GRM3: variants seen among roughly 807,000 people sequenced by gnomAD.
GRM3 encodes glutamate metabotropic receptor 3, also known as metabotropic glutamate receptor 3.
In GRM3, 26 loss-of-function variants were observed where a neutral mutation model predicts 70.5. The observed-to-expected ratio is 0.37, with a 90% CI of 0.27 to 0.51. The LOEUF (loss-of-function observed/expected upper bound fraction) is 0.51, where lower values mean the gene tolerates loss of function less well. Among genes scored for constraint, GRM3 ranks in the 20% least tolerant of loss-of-function variants. The pLI is 0.93. For synonymous variants in GRM3, 443 were observed against 434.9 expected, an observed-to-expected ratio of 1.02 and a Z score of -0.23; for missense variants, 859 against 1,123.8, an observed-to-expected ratio of 0.76 and a Z score of 3.37.
intron 5 of GRM3, among the ~76,000 whole-genome samples, chr7:86,852,081 A>T: frequency 6.6e-6 from 1 of 152,136 alleles, no homozygotes; most frequent in Non-Finnish European, 1.5e-5. Flanking sequence ...ACACACTTTA[A>T]AAATGGCAGA....
intron 1 of GRM3, among the ~76,000 whole-genome samples, chr7:86,702,309 C>G (rs1429369944): frequency 6.6e-6 from 1 of 151,960 alleles, no homozygotes; most frequent in East Asian, 1.9e-4. Context: ...GTTGATCAGC[C>G]TGGCTGGTTA....
chr7:86,825,372 G>A (rs745462555), intron 3 of GRM3, among the ~76,000 whole-genome samples: 9 of 152,196 alleles, frequency 5.9e-5, no homozygotes, highest in African/African-American at 9.6e-5. Flanking sequence ...TCTTAACGAC[G>A]TGTGGATATG....
chr7:86,644,573 CCGTTTT>C lies in GRM3; in HGVS notation c.-438_-433del. ...CCTCCCTCTCTTCTACTCCACCCCT[CCGTTTT>C]CCCACTCCCCACTGACTCGGATGCC... On this transcript the variant is annotated 5_prime_UTR_variant, in exon 1 of 6. Transcript: ENST00000361669. The C allele has an allele frequency of 2.5e-6, 1 of 404,682 alleles. No homozygotes were observed. Among genetic ancestry groups the C allele is most frequent in the South Asian group, 1.8e-5 (1 of 54,530 alleles). The allele number at this position is 404,682 out of a possible 1,614,324, so 25.1% of individuals were successfully genotyped here. A position where few individuals can be genotyped will look rare whatever the true frequency, so the allele number is the denominator to read the frequency against.
intron 2 of GRM3, among the ~76,000 whole-genome samples, chr7:86,785,221 A>G (rs1036149892): frequency 6.6e-6 from 1 of 152,232 alleles, no homozygotes; most frequent in Non-Finnish European, 1.5e-5. Context: ...CAGTATAGAG[A>G]AAGAACTCTC....
intron 2 of GRM3, among the ~76,000 whole-genome samples, chr7:86,770,889 T>G (rs1394578427): frequency 1.3e-5 from 2 of 152,102 alleles, no homozygotes; most frequent in Non-Finnish European, 2.9e-5. Flanking sequence ...ATTGCTGTTT[T>G]GGGCTGGATA....
rs117045324 is a variant in GRM3 at position 86,766,644 on chromosome 7, T to C, written c.468+1031T>C. ...TAGAACTCAGATAGATCTTTTGTAC[T>C]TCTGTGTTCTTTTAACTACCCCATG... On this transcript the variant is annotated intron_variant, in intron 2 of 5. Transcript: ENST00000361669. 5.4e-3 allele frequency among the ~76,000 whole-genome samples: 825 copies of C among 152,282 alleles called. 7 individuals are homozygous for C. The highest frequency in any genetic ancestry group is 7.9e-3 in the South Asian group (38 of 4,828).
intron 3 of GRM3, among the ~76,000 whole-genome samples, chr7:86,787,794 G>A (rs1171754754): frequency 1.3e-5 from 2 of 152,218 alleles, no homozygotes; most frequent in African/African-American, 4.8e-5. Context: ...TTCTGATACA[G>A]TAGTGAACAT....
chr7:86,667,019 T>C (rs802427), intron 1 of GRM3, among the ~76,000 whole-genome samples: 106,426 of 152,018 alleles, frequency 0.7, 37,787 homozygotes, highest in East Asian at 0.87. Context: ...TATTTCTTTC[T>C]GGAAGTTTGA....
At position 86,853,351 on chromosome 7, in the gene GRM3, T is replaced by C. The variant is rs190377778; in HGVS notation, c.2566+2807T>C. On this transcript the variant is annotated intron_variant, in intron 5 of 5. Transcript: ENST00000361669. ...GCCAGTGGTCTATGGAATTGAGTTC[T>C]GTGTATGAACATGTTACTGACCCAC... Among the ~76,000 whole-genome samples the C allele has an allele frequency of 1.6e-4, 25 of 152,318 alleles. 1 individual carries two copies. The highest frequency in any genetic ancestry group is 1.3e-3 in the Admixed American group (20 of 15,296).
intron 5 of GRM3, among the ~76,000 whole-genome samples, chr7:86,856,144 G>T (rs1203578305): frequency 3.9e-5 from 6 of 152,018 alleles, no homozygotes; most frequent in Admixed American, 3.9e-4. Context: ...TTTCCCTTTA[G>T]AAAGTTCACA....
chr7:86,784,956 T>C lies in GRM3; in HGVS notation c.469-1305T>C, dbSNP rs1797187118. The stretch of plus-strand genomic sequence containing the variant: ...AGCTGTGTATGAACTTGGCTGTTGG[T>C]TTCTCTTGCCAGATGAAATTATGAT... On this transcript the variant is annotated intron_variant, in intron 2 of 5. Coordinates refer to ENST00000361669, the MANE Select transcript of GRM3 (RefSeq NM_000840.3). Among the ~76,000 whole-genome samples, 3 of 152,296 alleles carry C rather than the reference T, an allele frequency of 2.0e-5. No homozygotes were observed. The South Asian group carries it at 6.2e-4, about 32-fold the overall frequency.
intron 2 of GRM3, among the ~76,000 whole-genome samples, chr7:86,774,105 C>T (rs552507006): frequency 2.6e-5 from 4 of 152,202 alleles, no homozygotes; most frequent in East Asian, 1.9e-4. Context: ...CTGATTAAAC[C>T]TATGATATTT....
chr7:86,769,614 C>T (rs1360956941), intron 2 of GRM3, among the ~76,000 whole-genome samples: 1 of 152,078 alleles, frequency 6.6e-6, no homozygotes, highest in Non-Finnish European at 1.5e-5. Flanking sequence ...AGGAGATATG[C>T]CATGCTGTGT....
At chr7:86,725,398 G>A (rs1377067146) in intron 1 of GRM3, among the ~76,000 whole-genome samples, 1 of 152,030 alleles carries the variant, frequency 6.6e-6, no homozygotes, top group African/African-American at 2.4e-5. Context: ...ATAGCCTCAG[G>A]GTAGTCAGAC....
chr7:86,757,208 G>A (rs558015815), intron 1 of GRM3, among the ~76,000 whole-genome samples: 1 of 152,172 alleles, frequency 6.6e-6, no homozygotes, highest in South Asian at 2.1e-4. Flanking sequence ...TTTTTCTGTT[G>A]TCTTATATGT....
chr7:86,841,913 T>A (rs952772281), intron 4 of GRM3, among the ~76,000 whole-genome samples: 1 of 152,166 alleles, frequency 6.6e-6, no homozygotes. Context: ...GGTTGTGGAA[T>A]AGAGTTTTTT....
chr7:86,728,855 T>G lies in GRM3; in HGVS notation c.-140-36151T>G, dbSNP rs1795653979. 2.0e-5 allele frequency among the ~76,000 whole-genome samples: 3 copies of G among 152,170 alleles called. No homozygotes were observed. In the South Asian group the frequency reaches 6.2e-4, roughly 32 times the overall value. ...TGAAATCAGTGGTAAAGATACACAA[T>G]GATTGTTACAGGGCTTGTGGTGATA... On this transcript the variant is annotated intron_variant, in intron 1 of 5. Transcript: ENST00000361669.
In GRM3 at chr7:86,839,927, A is replaced by G; in HGVS notation, c.2391+22A>G. 1 of 1,349,130 alleles carries G rather than the reference A, an allele frequency of 7.4e-7. No individual in the cohort carries two copies. Among genetic ancestry groups the G allele is most frequent in the Non-Finnish European group, 1.1e-6 (1 of 942,442 alleles). 83.6% of individuals were successfully genotyped at this position (1,349,130 alleles called of 1,614,324 possible). On this transcript the variant is annotated intron_variant, in intron 4 of 5. Transcript: ENST00000361669. The surrounding 1 kb of genome is among the most constrained non-coding windows in gnomAD (Gnocchi z 4.5). ...CAGAGTAAGTCTTTGATTGTTTCTT[A>G]TTTTTCTTGTTCTTTCTCCTCCAGT...
chr7:86,661,892 CACTTT>C (rs1476046076), intron 1 of GRM3, among the ~76,000 whole-genome samples: 3 of 151,722 alleles, frequency 2.0e-5, no homozygotes, highest in Non-Finnish European at 4.4e-5. Flanking sequence ...GCATAATAGG[CACTTT>C]ACTTTCACAG....
Sources: allele counts gnomAD v4.1 joint callset (sites outside exome capture counted in the v4.1 genomes callset), GRCh38; gene constraint gnomAD v4.1.1; non-coding constraint Gnocchi (gnomAD v3.1); transcripts MANE v1.5; gene names NCBI Gene and HGNC (gene_info 2026-07-23, HGNC 2026-07-21).